MRPS27: variants seen among roughly 807,000 people sequenced by gnomAD.
MRPS27 encodes small ribosomal subunit protein mS27.
MRPS27 carries 43 observed loss-of-function variants against 48.9 expected under a neutral mutation model. The ratio of observed to expected loss-of-function variants is 0.88; its 90% CI spans 0.69 to 1.13. The LOEUF is 1.13. MRPS27 is among the 50% of genes most tolerant of loss of function. The pLI, the probability that MRPS27 is intolerant of heterozygous loss-of-function variation, is 0.00. For synonymous variants in MRPS27, 188 were observed against 171.9 expected, an observed-to-expected ratio of 1.09 and a Z score of -0.73; for missense variants, 467 against 476.3, an observed-to-expected ratio of 0.98 and a Z score of 0.18.
chr5:72,277,171 C>T (rs1030032803), intron 4 of MRPS27, among the ~76,000 whole-genome samples: 3 of 152,218 alleles, frequency 2.0e-5, no homozygotes, highest in African/African-American at 7.2e-5. Context: ...GAGATACCAT[C>T]TCATACCAGT....
intron 10 of MRPS27, among the ~76,000 whole-genome samples, chr5:72,222,960 A>G (rs1747788431): frequency 6.6e-6 from 1 of 152,236 alleles, no homozygotes; most frequent in African/African-American, 2.4e-5. Flanking sequence ...GTTACACAAA[A>G]CAAGTGGGAA....
At chr5:72,254,052 T>C (rs899293792) in intron 4 of MRPS27, among the ~76,000 whole-genome samples, 10 of 152,360 alleles carry the variant, frequency 6.6e-5, no homozygotes, top group African/African-American at 2.4e-4. Flanking sequence ...TAGCGAGGAC[T>C]ACAGGCAGGT....
intron 1 of MRPS27, 119 bp downstream of exon 1, chr5:72,320,030 C>A: frequency 9.5e-7 from 1 of 1,049,510 alleles, no homozygotes; most frequent in Non-Finnish European, 1.5e-6. Context: ...TACCAAACAC[C>A]CCAAATGGCG....
intron 4 of MRPS27, among the ~76,000 whole-genome samples, chr5:72,251,034 G>C (rs1748651770): frequency 6.6e-6 from 1 of 152,194 alleles, no homozygotes. Flanking sequence ...TAAAATGCCT[G>C]GCACATGGTG....
intron 2 of MRPS27, among the ~76,000 whole-genome samples, chr5:72,305,660 T>C (rs1750240656): frequency 6.6e-6 from 1 of 152,160 alleles, no homozygotes; most frequent in Non-Finnish European, 1.5e-5. Context: ...GGCTCATGAA[T>C]CCTGAATTCA....
At chr5:72,254,680 T>C (rs552260979) in intron 4 of MRPS27, among the ~76,000 whole-genome samples, 1 of 152,270 alleles carries the variant, frequency 6.6e-6, no homozygotes, top group East Asian at 1.9e-4. Context: ...ACCTACTTCC[T>C]CTAGCAAATA....
At chr5:72,279,662 A>G (rs1262269930) in intron 4 of MRPS27, among the ~76,000 whole-genome samples, 1 of 152,174 alleles carries the variant, frequency 6.6e-6, no homozygotes. Context: ...AGACAACAAA[A>G]CAAAACAAAA....
At chr5:72,234,338 C>A in intron 5 of MRPS27, 141 bp from the exon 6 acceptor site, 1 of 755,058 alleles carries the variant, frequency 1.3e-6, no homozygotes, top group Non-Finnish European at 1.8e-6. Context: ...GCATCTGTGA[C>A]AGTGAAACAG....
intron 4 of MRPS27, among the ~76,000 whole-genome samples, chr5:72,272,084 C>T (rs770577433): frequency 4.6e-5 from 7 of 152,190 alleles, no homozygotes; most frequent in Admixed American, 1.3e-4. Context: ...GGGATTCCCC[C>T]CCCATCTCCT....
rs556389272 is a variant in MRPS27, at chr5:72,223,763, C to T, written c.925G>A (p.Gly309Arg). 1.2e-6 allele frequency: 2 copies of T among 1,613,976 alleles called. No homozygotes were observed. Among genetic ancestry groups the T allele is most frequent in the Admixed American group, 1.7e-5 (1 of 60,006 alleles). ...EQSQNDEDNQGSEKLVEQLDI... is the reference protein window; with the variant it reads ...EQSQNDEDNQRSEKLVEQLDI... ...AACTGCTCCACCAGTTTTTCTGACC[C>T]CTGGTTGTCTTCATCATTTTGGGAC... is the stretch of plus-strand genomic sequence containing the variant. The change falls in exon 10 of 11, where the codon GGG becomes AGG. Residue 309 changes from glycine to arginine, a missense_variant. Transcript: ENST00000261413.
intron 7 of MRPS27, among the ~76,000 whole-genome samples, chr5:72,231,440 T>C (rs114167101): frequency 2.0e-3 from 309 of 152,290 alleles, no homozygotes; most frequent in African/African-American, 7.1e-3. Context: ...GATTTCTCCT[T>C]TGCAGTGTTC....
At chr5:72,304,753 C>G (rs1750215372) in intron 2 of MRPS27, among the ~76,000 whole-genome samples, 1 of 152,096 alleles carries the variant, frequency 6.6e-6, no homozygotes, top group African/African-American at 2.4e-5. Context: ...ATGAAGGTCA[C>G]TGAAGAAAAA....
At chr5:72,282,270 C>T (rs949024484) in intron 4 of MRPS27, among the ~76,000 whole-genome samples, 1 of 152,176 alleles carries the variant, frequency 6.6e-6, no homozygotes, top group Non-Finnish European at 1.5e-5. Flanking sequence ...ACTGAAACTT[C>T]TGTTCCCATA....
chr5:72,258,083 C>CAAAAAAAAA (rs1030737219), intron 4 of MRPS27, among the ~76,000 whole-genome samples: 1 of 61,348 alleles, frequency 1.6e-5, no homozygotes, highest in Non-Finnish European at 3.4e-5. Flanking sequence ...GACTCTGTCT[C>CAAAAAAAAA]AAAAAAAAAA....
At position 72,232,560 on chromosome 5, in the gene MRPS27, T is replaced by C; in HGVS notation, c.476-2A>G. 1 of 1,594,918 alleles carries C rather than the reference T, an allele frequency of 6.3e-7. No individual in the cohort carries two copies. The highest frequency in any genetic ancestry group is 1.1e-5 in the South Asian group (1 of 90,214). On this transcript the variant is annotated splice_acceptor_variant, in intron 6 of 10. Transcript: ENST00000261413. LOFTEE classifies it high-confidence loss of function. The stretch of plus-strand genomic sequence containing the variant: ...CCTCAAAAACCACAGATAAAGCATC[T>C]AGCAGAAGATGAAAGTAAAAAAGAG...
chr5:72,228,107 G>T (rs1361673641), intron 8 of MRPS27, 159 bp downstream of exon 8: 5 of 649,820 alleles, frequency 7.7e-6, no homozygotes, highest in Non-Finnish European at 1.1e-5. Context: ...CTCTTATGGA[G>T]TAACTGTAAG....
chr5:72,276,560 C>T lies in MRPS27; in HGVS notation c.281+18971G>A, dbSNP rs141989043. On this transcript the variant is annotated intron_variant, in intron 4 of 10. Coordinates refer to ENST00000261413, the MANE Select transcript of MRPS27 (RefSeq NM_015084.3). ...CAATTGCAACATAAACAGAAAATGA[C>T]AAATGGGATCTAATTAAACTGAAGA... 3.7e-3 allele frequency among the ~76,000 whole-genome samples: 568 copies of T among 152,150 alleles called. 1 individual carries two copies. The highest frequency in any genetic ancestry group is 0.013 in the African/African-American group (550 of 41,518).
chr5:72,285,210 A>T (rs1374615740), intron 4 of MRPS27, among the ~76,000 whole-genome samples: 1 of 152,186 alleles, frequency 6.6e-6, no homozygotes, highest in East Asian at 1.9e-4. Flanking sequence ...GGCAGTTTCC[A>T]TAAAGCTAGT....
At chr5:72,253,334 A>G (rs1362771261) in intron 4 of MRPS27, among the ~76,000 whole-genome samples, 1 of 152,230 alleles carries the variant, frequency 6.6e-6, no homozygotes, top group African/African-American at 2.4e-5. Flanking sequence ...TGATCAATCT[A>G]TCACGTTTAA....
Sources: allele counts gnomAD v4.1 joint callset (sites outside exome capture counted in the v4.1 genomes callset), GRCh38; gene constraint gnomAD v4.1.1; transcripts MANE v1.5; gene names NCBI Gene and HGNC (gene_info 2026-07-23, HGNC 2026-07-21).